IL1RL1: variants seen among roughly 807,000 people sequenced by gnomAD.
The protein encoded by IL1RL1 is interleukin 1 receptor like 1.
IL1RL1 carries 32 observed loss-of-function variants against 50.9 expected under a neutral mutation model. That is an observed-to-expected ratio of 0.63 (90% CI 0.47 to 0.84). The LOEUF (loss-of-function observed/expected upper bound fraction) is 0.84. Ranked by LOEUF, IL1RL1 falls within the 40% of genes least tolerant of loss-of-function variation. The pLI, the probability that IL1RL1 is intolerant of heterozygous loss-of-function variation, is 0.00. For synonymous variants in IL1RL1, 275 were observed against 236.0 expected, an observed-to-expected ratio of 1.17 and a Z score of -1.51; for missense variants, 773 against 662.9, an observed-to-expected ratio of 1.17 and a Z score of -1.82.
At chr2:102,324,303 C>T (rs1676926712) in intron 1 of IL1RL1, among the ~76,000 whole-genome samples, 1 of 152,140 alleles carries the variant, frequency 6.6e-6, no homozygotes, top group Non-Finnish European at 1.5e-5. Context: ...TCTAGGTGTG[C>T]CACATCCTTG....
chr2:102,350,969 ATG>A (rs111506740), intron 10 of IL1RL1, among the ~76,000 whole-genome samples: 6 of 152,172 alleles, frequency 3.9e-5, no homozygotes, highest in Non-Finnish European at 8.8e-5. Context: ...CGCTGTATAA[ATG>A]CCAAATGGGA....
chr2:102,347,540 C>G lies in IL1RL1; in HGVS notation c.971-405C>G, dbSNP rs150546202. ...TGCACTTAGGCTTATGGTATTCTCTCTGCCCAGGTGGGCATTTCCTTTTTT... is the reference window on the plus strand; with the variant it reads ...TGCACTTAGGCTTATGGTATTCTCTGTGCCCAGGTGGGCATTTCCTTTTTT... On this transcript the variant is annotated intron_variant, in intron 8 of 10. Coordinates refer to ENST00000233954, the MANE Select transcript of IL1RL1 (RefSeq NM_016232.5). Among the ~76,000 whole-genome samples the G allele has an allele frequency of 7.9e-5, 12 of 152,352 alleles. No individual in the cohort carries two copies. In the East Asian group the frequency reaches 2.3e-3, roughly 29 times the overall value.
Position 102,340,638 on chromosome 2 carries a change from G to A in IL1RL1, c.448-28G>A, listed in dbSNP as rs1470031036. 3.8e-6 allele frequency: 6 copies of A among 1,576,594 alleles called. No individual in the cohort carries two copies. In the African/African-American group the frequency reaches 4.2e-5, roughly 11 times the overall value. On this transcript the variant is annotated intron_variant, in intron 4 of 10. Coordinates refer to ENST00000233954, the MANE Select transcript of IL1RL1 (RefSeq NM_016232.5). ...AAATAAATAAAAGTGAAGAATTACT[G>A]AGAAGGAAATGGAATTTCTTATTTC...
At chr2:102,350,502 A>C (rs903721594) in intron 10 of IL1RL1, among the ~76,000 whole-genome samples, 1 of 152,250 alleles carries the variant, frequency 6.6e-6, no homozygotes, top group African/African-American at 2.4e-5. Context: ...AAACCCAACA[A>C]CACCAAACTT....
chr2:102,339,400 G>T (rs3771177), intron 3 of IL1RL1: 41,428 of 180,248 alleles, frequency 0.23, 5,597 homozygotes, highest in East Asian at 0.4. Context: ...TCCATCTCAG[G>T]GGGCCTCTAG....
intron 1 of IL1RL1, chr2:102,313,161 T>C (rs1399328413): frequency 2.0e-5 from 3 of 152,200 alleles, no homozygotes; most frequent in Non-Finnish European, 2.9e-5. Context: ...CTTGAGTTTC[T>C]TGCTTACAAA....
intron 1 of IL1RL1, 54 bp from the exon 2 acceptor site, chr2:102,338,062 A>G: frequency 2.6e-6 from 1 of 389,916 alleles, no homozygotes; most frequent in Non-Finnish European, 4.6e-6. Context: ...TGAGAAAGTA[A>G]AAATCATGGC....
At chr2:102,325,834 A>C (rs1676982764) in intron 1 of IL1RL1, among the ~76,000 whole-genome samples, 4 of 152,340 alleles carry the variant, frequency 2.6e-5, no homozygotes, top group Middle Eastern at 3.4e-3. Context: ...CAAAGTCTCC[A>C]AGAAATATGG....
intron 2 of IL1RL1, 113 bp from the exon 3 acceptor site, chr2:102,338,724 A>C: frequency 1.3e-6 from 1 of 747,186 alleles, no homozygotes; most frequent in South Asian, 1.8e-5. Flanking sequence ...CCAAGGTATC[A>C]CAGTATATGA....
At chr2:102,311,857 AATTATATAATATAT>A (rs1377243193) in intron 1 of IL1RL1, among the ~76,000 whole-genome samples, 5 of 48,206 alleles carry the variant, frequency 1.0e-4, no homozygotes, top group African/African-American at 2.9e-4. Flanking sequence ...TATATAATAT[AATTATATAATATAT>A]ATTATATAAT....
chr2:102,347,807 T>C, intron 8 of IL1RL1, 138 bp from the exon 9 acceptor site: 1 of 594,978 alleles, frequency 1.7e-6, no homozygotes, highest in Admixed American at 2.8e-5. Flanking sequence ...GTCCTGGTAC[T>C]TAAAGCAGCC....
At chr2:102,339,831 G>T (rs1017520590) in intron 3 of IL1RL1, among the ~76,000 whole-genome samples, 4 of 152,178 alleles carry the variant, frequency 2.6e-5, no homozygotes, top group African/African-American at 9.7e-5. Context: ...ATTACACTGG[G>T]ATTACAGCAT....
At chr2:102,338,766 A>G (rs1677425602) in intron 2 of IL1RL1, 71 bp from the exon 3 acceptor site, 1 of 1,181,990 alleles carries the variant, frequency 8.5e-7, no homozygotes, top group South Asian at 1.4e-5. Flanking sequence ...AGAAGAAAAT[A>G]TTGAGAGTAT....
chr2:102,330,517 G>C (rs1377856264), intron 1 of IL1RL1, among the ~76,000 whole-genome samples: 1 of 152,120 alleles, frequency 6.6e-6, no homozygotes, highest in Non-Finnish European at 1.5e-5. Flanking sequence ...ATCTCATTGT[G>C]ATTTTAATTG....
Position 102,344,819 on chromosome 2 carries a change from G to T in IL1RL1, c.970+1404G>T, listed in dbSNP as rs147001745. 26 of 943,856 alleles carry T rather than the reference G, an allele frequency of 2.8e-5. No individual in the cohort carries two copies. The East Asian group carries it at 1.4e-3, about 51-fold the overall frequency. 58.5% of individuals were successfully genotyped at this position (943,856 alleles called of 1,614,324 possible). Reference sequence around the variant, plus strand: ...AATACTATTTTTATATTTATGTTTGGTAAATTCAATAACTTTCCTCATCAT... The same window carrying T: ...AATACTATTTTTATATTTATGTTTGTTAAATTCAATAACTTTCCTCATCAT... On this transcript the variant is annotated intron_variant, in intron 8 of 10. Coordinates refer to ENST00000233954, the MANE Select transcript of IL1RL1 (RefSeq NM_016232.5).
chr2:102,332,735 G>T lies in IL1RL1; in HGVS notation c.-149-5381G>T, dbSNP rs144702787. 4.1e-3 allele frequency among the ~76,000 whole-genome samples: 619 copies of T among 152,290 alleles called. 4 individuals carry two copies. The highest frequency in any genetic ancestry group is 0.014 in the African/African-American group (595 of 41,562). On this transcript the variant is annotated intron_variant, in intron 1 of 10. Transcript: ENST00000233954. ...TGAAAATGTTTTGAAACTAGATAGAGTTAGTGGTTGTACCACATTGTGAAT... is the reference window on the plus strand; with the variant it reads ...TGAAAATGTTTTGAAACTAGATAGATTTAGTGGTTGTACCACATTGTGAAT...
intron 1 of IL1RL1, among the ~76,000 whole-genome samples, chr2:102,334,460 C>A (rs1465424899): frequency 1.3e-5 from 2 of 152,124 alleles, no homozygotes; most frequent in Non-Finnish European, 2.9e-5. Context: ...TCTCCAGAGG[C>A]CCAGGCTAGG....
rs1677930777 is a variant in IL1RL1 at position 102,351,531 on chromosome 2, A to T, written c.1286-5A>T. 6.2e-7 allele frequency: 1 copy of T among 1,610,792 alleles called. No homozygotes were observed. Among genetic ancestry groups the T allele is most frequent in the Non-Finnish European group, 8.5e-7 (1 of 1,177,824 alleles). On this transcript the variant is annotated splice_polypyrimidine_tract_variant and splice_region_variant and intron_variant, in intron 10 of 10. Transcript: ENST00000233954. ...AGAAATCTGATCTATTTCTTGTATG[A>T]CTAGATGTAGTCACTGCAGTGGAAA...
intron 1 of IL1RL1, among the ~76,000 whole-genome samples, chr2:102,312,481 A>T (rs899950996): frequency 6.6e-6 from 1 of 152,062 alleles, no homozygotes; most frequent in Non-Finnish European, 1.5e-5. Context: ...TATAGTATAC[A>T]CACAGAGTGC....
Sources: gnomAD v4.1 joint callset for allele counts (sites outside exome capture counted in the v4.1 genomes callset) on GRCh38, gnomAD v4.1.1 for gene constraint, MANE v1.5 for transcripts, NCBI Gene and HGNC (gene_info 2026-07-23, HGNC 2026-07-21) for gene names.